GFRA3: variants seen among roughly 807,000 people sequenced by gnomAD.
GFRA3 encodes the protein GDNF family receptor alpha-3.
GFRA3 carries 24 observed loss-of-function variants against 40.0 expected under a neutral mutation model. The ratio of observed to expected loss-of-function variants is 0.60; its 90% confidence interval spans 0.43 to 0.84. The LOEUF is 0.84. Ranked by LOEUF, GFRA3 falls within the 40% of genes least tolerant of loss-of-function variation. GFRA3 has a pLI of 0.00. For synonymous variants in GFRA3, 203 were observed against 213.5 expected (o/e 0.95, Z 0.43); for missense variants, 405 against 530.6 (o/e 0.76, Z 2.33).
chr5:138,274,362 C>A lies in GFRA3; in HGVS notation c.63G>T (p.Leu21=). The change falls in exon 1 of 8, where the codon CTG becomes CTT. Residue 21 remains leucine (L), a synonymous_variant. Transcript: ENST00000274721. The part of the protein sequence containing the change: ...PPVVLMLLLL[L]PPSPLPLAAG... ...CTGCGAGAGGCAGCGGCGACGGCGG[C>A]AGCAGCAGCAGCAACATCAGGACTA... is the stretch of plus-strand genomic sequence containing the variant. 1 of 1,326,404 alleles carries A rather than the reference C, an allele frequency of 7.5e-7. No individual in the cohort carries two copies. Among genetic ancestry groups the A allele is most frequent in the Non-Finnish European group, 9.7e-7 (1 of 1,034,156 alleles). The allele number at this position is 1,326,404 out of a possible 1,614,324, so 82.2% of individuals were successfully genotyped here.
chr5:138,269,527 ACT>A (rs1561653744), intron 1 of GFRA3, among the ~76,000 whole-genome samples: 1 of 139,642 alleles, frequency 7.2e-6, no homozygotes, highest in Non-Finnish European at 1.5e-5. Flanking sequence ...CAAGAGCGAA[ACT>A]CTGTCTGAAA....
intron 1 of GFRA3, among the ~76,000 whole-genome samples, chr5:138,273,021 A>T (rs1170752885): frequency 1.3e-5 from 2 of 152,200 alleles, no homozygotes; most frequent in Non-Finnish European, 2.9e-5. Context: ...TGGATGAACA[A>T]AGAAAAGTAA....
intron 3 of GFRA3, among the ~76,000 whole-genome samples, chr5:138,258,166 C>CT (rs66792829): frequency 0.054 from 2,752 of 51,436 alleles, 545 homozygotes; most frequent in East Asian, 0.19. Flanking sequence ...CCCTACTCCT[C>CT]TTTTTTTTTT....
At chr5:138,255,518 T>C (rs1755613530) in intron 4 of GFRA3, among the ~76,000 whole-genome samples, 1 of 152,214 alleles carries the variant, frequency 6.6e-6, no homozygotes, top group Non-Finnish European at 1.5e-5. Flanking sequence ...ATCAAATACC[T>C]TACCAATCTC....
rs946002148 is a variant in GFRA3 at position 138,252,735 on chromosome 5, T to C, written c.*233A>G. The C allele has an allele frequency of 9.2e-6, 4 of 435,724 alleles. No homozygotes were observed. The highest frequency in any genetic ancestry group is 1.7e-5 in the Non-Finnish European group (4 of 239,130). 27.0% of individuals were successfully genotyped at this position (435,724 alleles called of 1,614,324 possible). On this transcript the variant is annotated 3_prime_UTR_variant, in exon 8 of 8. Coordinates refer to ENST00000274721, the MANE Select transcript of GFRA3 (RefSeq NM_001496.4). ...CTTGGTGGAGCTGGTCACCACCAGA[T>C]GACATGGCTAAATTGTGGCCACCAA...
chr5:138,270,906 G>A (rs559388589), intron 1 of GFRA3, among the ~76,000 whole-genome samples: 1 of 152,132 alleles, frequency 6.6e-6, no homozygotes, highest in Non-Finnish European at 1.5e-5. Flanking sequence ...ACAAGTTTAC[G>A]ATGTTACTTC....
intron 1 of GFRA3, among the ~76,000 whole-genome samples, chr5:138,273,484 C>T (rs1262301195): frequency 2.0e-5 from 3 of 152,226 alleles, no homozygotes; most frequent in African/African-American, 4.8e-5. Context: ...GCTGCCCTGA[C>T]TTACTGATGT....
rs749525652 is a variant in GFRA3 at position 138,257,858 on chromosome 5, G to C, written c.566C>G (p.Pro189Arg). Reference sequence around the variant, plus strand: ...GAGGCAGACGTGGCGCTGGCAGTGGGGCCCGGAGCACGCCTCCCCGTAGGC... The same window carrying C: ...GAGGCAGACGTGGCGCTGGCAGTGGCGCCCGGAGCACGCCTCCCCGTAGGC... ...RKAYGEACSG[P>R]HCQRHVCLRQ... Residue 189 changes from proline (P) to arginine (R), a missense_variant, in exon 4 of 8, where the codon CCC (proline) becomes CGC (arginine). Physicochemically the swap from Pro to Arg is moderately radical, Grantham distance 103 (BLOSUM62 -2). Transcript: ENST00000274721. 6.2e-7 allele frequency: 1 copy of C among 1,613,892 alleles called. No individual in the cohort carries two copies. The highest frequency in any genetic ancestry group is 8.5e-7 in the Non-Finnish European group (1 of 1,179,914).
intron 2 of GFRA3, among the ~76,000 whole-genome samples, 164 bp from the exon 3 acceptor site, chr5:138,259,813 C>T (rs142396633): frequency 1.2e-3 from 189 of 152,144 alleles, no homozygotes; most frequent in African/African-American, 4.3e-3. Context: ...AATGCAGGGC[C>T]GTAAGGTATA....
intron 1 of GFRA3, among the ~76,000 whole-genome samples, chr5:138,273,869 G>C (rs1755909298): frequency 6.6e-6 from 1 of 152,236 alleles, no homozygotes; most frequent in African/African-American, 2.4e-5. Flanking sequence ...TATGAAACAA[G>C]TCAGTTTTAA....
At chr5:138,255,197 G>A (rs1755610411) in intron 4 of GFRA3, among the ~76,000 whole-genome samples, 1 of 152,062 alleles carries the variant, frequency 6.6e-6, no homozygotes, top group African/African-American at 2.4e-5. Flanking sequence ...GTTAATATAT[G>A]TTAAGTACTT....
At chr5:138,269,568 A>G (rs1178888398) in intron 1 of GFRA3, among the ~76,000 whole-genome samples, 1 of 149,914 alleles carries the variant, frequency 6.7e-6, no homozygotes, top group African/African-American at 2.5e-5. Flanking sequence ...AACAAGCCAG[A>G]CGCAGTGGCT....
At chr5:138,257,036 AC>A (rs1324974708) in intron 4 of GFRA3, among the ~76,000 whole-genome samples, 2 of 152,096 alleles carry the variant, frequency 1.3e-5, no homozygotes, top group African/African-American at 2.4e-5. Flanking sequence ...GGTACTCTAC[AC>A]CACTCTACAT....
chr5:138,268,378 AGATTTCATGACC>A (rs1485283744), intron 1 of GFRA3, among the ~76,000 whole-genome samples: 1 of 149,150 alleles, frequency 6.7e-6, no homozygotes, highest in Non-Finnish European at 1.5e-5. Context: ...ACTTACGCAA[AGATTTCATGACC>A]AAAACCCAAA....
chr5:138,274,260 G>A, intron 1 of GFRA3, 74 bp downstream of exon 1: 2 of 1,305,274 alleles, frequency 1.5e-6, no homozygotes, highest in Non-Finnish European at 2.0e-6. Context: ...CTCCGGACAG[G>A]TGCCCCGGGC....
intron 4 of GFRA3, 64 bp downstream of exon 4, chr5:138,257,575 A>G: frequency 7.0e-7 from 1 of 1,421,288 alleles, no homozygotes. Context: ...CAGCACAGGA[A>G]CGTGGCCAGG....
chr5:138,265,686 C>T (rs987249854), intron 1 of GFRA3, among the ~76,000 whole-genome samples: 1 of 149,384 alleles, frequency 6.7e-6, no homozygotes, highest in Non-Finnish European at 1.5e-5. Flanking sequence ...TTCTCTTCTC[C>T]TTCTCCTTCT....
intron 5 of GFRA3, 33 bp downstream of exon 5, chr5:138,254,024 C>G (rs201017144): frequency 6.4e-7 from 1 of 1,561,138 alleles, no homozygotes. Context: ...GCCTAGCCAA[C>G]ATAGGGTTCC....
chr5:138,264,591 A>T, intron 1 of GFRA3, 43 bp from the exon 2 acceptor site: 1 of 1,361,892 alleles, frequency 7.3e-7, no homozygotes, highest in Non-Finnish European at 1.0e-6. Flanking sequence ...AGATTAGAAT[A>T]GCTGTCTGGG....
Sources: allele counts gnomAD v4.1 joint callset (sites outside exome capture counted in the v4.1 genomes callset), GRCh38; gene constraint gnomAD v4.1.1; transcripts MANE v1.5; gene names NCBI Gene and HGNC (gene_info 2026-07-23, HGNC 2026-07-21).